The following LRR1 variants were observed in gnomAD, a reference collection of about 807,000 sequenced individuals.
LRR1 encodes the protein leucine-rich repeat protein 1.
Under a neutral mutation model 31.6 loss-of-function variants are expected in LRR1, and 29 were observed. That is an observed-to-expected ratio of 0.92 (90% CI 0.68 to 1.25). The LOEUF (loss-of-function observed/expected upper bound fraction) is 1.25. Among genes scored for constraint, LRR1 ranks in the 50% most tolerant of loss-of-function variants. LRR1 has a pLI of 0.00. For synonymous variants in LRR1, 179 were observed against 181.4 expected, an observed-to-expected ratio of 0.99 and a Z score of 0.10; for missense variants, 485 against 487.2, an observed-to-expected ratio of 1.00 and a Z score of 0.04.
chr14:49,604,898 T>C (rs972130725), intron 2 of LRR1, among the ~76,000 whole-genome samples: 10 of 147,738 alleles, frequency 6.8e-5, no homozygotes. Flanking sequence ...TCAACCTTGC[T>C]TTTTTTTTCT....
chr14:49,603,797 G>A (rs556298517), intron 2 of LRR1, among the ~76,000 whole-genome samples: 1 of 142,588 alleles, frequency 7.0e-6, no homozygotes, highest in South Asian at 2.3e-4. Flanking sequence ...GGGTTCAAGC[G>A]ATTCTCCTGC....
chr14:49,600,126 C>G (rs973348591), intron 1 of LRR1: 3 of 1,568,838 alleles, frequency 1.9e-6, no homozygotes, highest in Middle Eastern at 1.7e-4. Flanking sequence ...CGTCTTCGAC[C>G]ACTACACAGT....
chr14:49,605,202 G>A (rs1273340351), intron 2 of LRR1, among the ~76,000 whole-genome samples: 1 of 152,120 alleles, frequency 6.6e-6, no homozygotes, highest in African/African-American at 2.4e-5. Context: ...GCCCAACTGT[G>A]CATTATTTTT....
intron 3 of LRR1, among the ~76,000 whole-genome samples, 173 bp downstream of exon 3, chr14:49,608,294 T>C (rs1002387939): frequency 1.3e-5 from 2 of 151,962 alleles, no homozygotes; most frequent in African/African-American, 4.8e-5. Context: ...CTCCAGGAAG[T>C]CTCATTGCTC....
chr14:49,612,480 A>C (rs1163031514), intron 3 of LRR1: 10 of 1,261,658 alleles, frequency 7.9e-6, no homozygotes, highest in Non-Finnish European at 1.0e-5. Context: ...AGAACCATCT[A>C]TCCGAAAGAG....
intron 2 of LRR1, among the ~76,000 whole-genome samples, chr14:49,604,068 C>G (rs951785076): frequency 2.7e-5 from 4 of 149,440 alleles, no homozygotes; most frequent in African/African-American, 9.9e-5. Flanking sequence ...TTTGGAAGGC[C>G]AAGACTGGTG....
At position 49,614,353 on chromosome 14, in the gene LRR1, A is replaced by G; in HGVS notation, c.1102A>G (p.Ile368Val). Residue 368 changes from isoleucine (I) to valine (V), a missense_variant, in exon 4 of 4, where the codon ATT becomes GTT. Around this residue, in one of 3 missense-constraint regions of LRR1, gnomAD observed 210 missense variants for 200.4 expected, o/e 1.05. Coordinates refer to ENST00000298288, the MANE Select transcript of LRR1 (RefSeq NM_152329.4). ...TGGAAGATTCTGTCTGAACTCTTTC[A>G]TTCAAGGAACTACTACCATGAATCT... ...VCGRFCLNSF[I>V]QGTTTMNLHS... The G allele has an allele frequency of 1.2e-6, 2 of 1,613,998 alleles. No homozygotes were observed. Among genetic ancestry groups the G allele is most frequent in the Non-Finnish European group, 1.7e-6 (2 of 1,179,962 alleles).
chr14:49,600,883 C>T, intron 1 of LRR1: 3 of 1,285,368 alleles, frequency 2.3e-6, no homozygotes, highest in Non-Finnish European at 3.2e-6. Context: ...TAAAAAGCTA[C>T]AATCACATCA....
chr14:49,602,561 C>G, intron 2 of LRR1, 93 bp downstream of exon 2: 1 of 1,059,298 alleles, frequency 9.4e-7, no homozygotes, highest in Non-Finnish European at 1.4e-6. Flanking sequence ...AGCTGAAGTA[C>G]AGAGGCATAG....
intron 1 of LRR1, chr14:49,601,472 A>T (rs1882047750): frequency 3.6e-6 from 2 of 562,152 alleles, no homozygotes; most frequent in Admixed American, 2.5e-5. Context: ...AATTTTAAAT[A>T]TGCCATTTAT....
intron 2 of LRR1, among the ~76,000 whole-genome samples, chr14:49,603,018 T>TA (rs1555325501): frequency 1.1e-4 from 17 of 151,032 alleles, no homozygotes; most frequent in East Asian, 9.7e-4. Context: ...TTTTTTTTTT[T>TA]ATCTTTAGTA....
intron 3 of LRR1, among the ~76,000 whole-genome samples, chr14:49,611,930 AAAAAAAAAAG>A (rs1882528758): frequency 1.3e-5 from 2 of 151,294 alleles, no homozygotes; most frequent in African/African-American, 4.8e-5. Flanking sequence ...TCTCAAAAAA[AAAAAAAAAAG>A]AAAAGAAAGA....
chr14:49,600,331 A>G, intron 1 of LRR1: 6 of 1,528,532 alleles, frequency 3.9e-6, no homozygotes, highest in South Asian at 1.1e-5. Context: ...TACGCACCAA[A>G]TGTACCCTTT....
chr14:49,609,536 C>T (rs1326505416), intron 3 of LRR1, among the ~76,000 whole-genome samples: 1 of 151,612 alleles, frequency 6.6e-6, no homozygotes, highest in African/African-American at 2.4e-5. Flanking sequence ...TCCTAAGTAG[C>T]TGAAACTGCA....
intron 3 of LRR1, chr14:49,612,613 C>T: frequency 9.1e-7 from 1 of 1,095,378 alleles, no homozygotes; most frequent in Non-Finnish European, 1.1e-6. Context: ...CATCCTAGAT[C>T]CCGTACCAAA....
At chr14:49,608,192 ATAAAG>A in intron 3 of LRR1, 71 bp downstream of exon 3, 1 of 1,431,460 alleles carries the variant, frequency 7.0e-7, no homozygotes. Flanking sequence ...ACTCAGAGTA[ATAAAG>A]TCTAACATTG....
chr14:49,605,072 A>G (rs955230115), intron 2 of LRR1, among the ~76,000 whole-genome samples: 3 of 151,856 alleles, frequency 2.0e-5, no homozygotes, highest in Admixed American at 6.6e-5. Flanking sequence ...ATTTTTTTGT[A>G]CTGGTAGAGA....
At chr14:49,605,664 C>T (rs557831411) in intron 2 of LRR1, among the ~76,000 whole-genome samples, 1 of 152,304 alleles carries the variant, frequency 6.6e-6, no homozygotes, top group East Asian at 1.9e-4. Flanking sequence ...TTCTTTGTCT[C>T]TTGCTTCCAG....
rs2281836 is a variant in LRR1, at chr14:49,598,999, G to C, written c.-22G>C. ...GAGGAAGTTTCAAAGCCAGCTTGAC[G>C]TGGTTGTGGCCGTTGGGCGAGATGA... On this transcript the variant is annotated 5_prime_UTR_variant, in exon 1 of 4. Transcript: ENST00000298288. 1,134,146 of 1,591,264 alleles carry C rather than the reference G, an allele frequency of 0.71. 415,078 individuals carry two copies. Among genetic ancestry groups the C allele is most frequent in the Non-Finnish European group, 0.75 (874,356 of 1,167,872 alleles).
Sources: allele counts gnomAD v4.1 joint callset (sites outside exome capture counted in the v4.1 genomes callset), GRCh38; gene constraint gnomAD v4.1.1; regional missense constraint gnomAD v4.1.1; transcripts MANE v1.5; gene names NCBI Gene and HGNC (gene_info 2026-07-23, HGNC 2026-07-21).